Variants in CTNND2 observed in about 807,000 individuals in gnomAD.
CTNND2 encodes catenin delta-2.
A neutral mutation model predicts 144.4 loss-of-function variants in CTNND2; 22 were observed. The observed-to-expected ratio is 0.15, with a 90% CI of 0.11 to 0.22. The LOEUF (loss-of-function observed/expected upper bound fraction) is 0.22. Among genes scored for constraint, CTNND2 ranks in the 10% least tolerant of loss-of-function variants. The probability of loss-of-function intolerance (pLI) is 1.00; values close to 1 mark genes in which losing one functional copy is unlikely to be tolerated. For missense variants in CTNND2, 1,353 were observed against 1,618.8 expected (o/e 0.84, Z 2.82); for synonymous variants, 751 against 695.6 (o/e 1.08, Z -1.25).
intron 1 of CTNND2, among the ~76,000 whole-genome samples, chr5:11,855,379 G>C (rs1235713693): frequency 6.6e-6 from 1 of 152,110 alleles, no homozygotes; most frequent in Non-Finnish European, 1.5e-5. Context: ...CCAATTGTAG[G>C]ATTAGCATGA....
intron 21 of CTNND2, among the ~76,000 whole-genome samples, chr5:10,978,380 T>C (rs568462368): frequency 6.6e-6 from 1 of 152,270 alleles, no homozygotes; most frequent in South Asian, 2.1e-4. Flanking sequence ...AAGAGAAAAC[T>C]GCAAGTGAAG....
intron 2 of CTNND2, among the ~76,000 whole-genome samples, chr5:11,692,917 A>G (rs183073360): frequency 1.6e-4 from 25 of 152,280 alleles, no homozygotes; most frequent in Non-Finnish European, 3.4e-4. Context: ...AACATTTTTA[A>G]AAGACTTAGA....
chr5:11,512,069 T>C (rs1771697632), intron 3 of CTNND2, among the ~76,000 whole-genome samples: 1 of 152,212 alleles, frequency 6.6e-6, no homozygotes, highest in Non-Finnish European at 1.5e-5. Context: ...GATCCTGGAT[T>C]GATCTCACCT....
chr5:11,273,263 T>G (rs1252173079), intron 9 of CTNND2, among the ~76,000 whole-genome samples: 1 of 152,200 alleles, frequency 6.6e-6, no homozygotes, highest in East Asian at 1.9e-4. Flanking sequence ...TTATAATTAT[T>G]ATTATATGTA....
At chr5:11,883,548 T>C (rs1021918902) in intron 1 of CTNND2, among the ~76,000 whole-genome samples, 2 of 152,220 alleles carry the variant, frequency 1.3e-5, no homozygotes, top group African/African-American at 4.8e-5. Context: ...CCACGGTGTA[T>C]ATGTGCCATA....
intron 1 of CTNND2, among the ~76,000 whole-genome samples, chr5:11,884,551 C>A (rs1485002933): frequency 6.6e-6 from 1 of 151,936 alleles, no homozygotes. Flanking sequence ...TGTTTTGGTA[C>A]CTTTTTGGTG....
chr5:11,609,953 C>T (rs966806814), intron 2 of CTNND2, among the ~76,000 whole-genome samples: 1 of 152,204 alleles, frequency 6.6e-6, no homozygotes, highest in Non-Finnish European at 1.5e-5. Context: ...TACACAATGA[C>T]CTCCTTTAAA....
chr5:11,321,687 GAAAT>G (rs1752049331), intron 9 of CTNND2, among the ~76,000 whole-genome samples: 1 of 152,034 alleles, frequency 6.6e-6, no homozygotes, highest in Non-Finnish European at 1.5e-5. Flanking sequence ...AGAGACTGGA[GAAAT>G]AAATAACCCC....
intron 9 of CTNND2, among the ~76,000 whole-genome samples, chr5:11,285,366 G>A (rs1033308064): frequency 5.9e-5 from 9 of 152,126 alleles, no homozygotes; most frequent in African/African-American, 2.2e-4. Flanking sequence ...AATAAAATCT[G>A]GTTTTGCTGC....
intron 9 of CTNND2, among the ~76,000 whole-genome samples, chr5:11,277,967 T>C (rs151176465): frequency 1.2e-3 from 179 of 152,300 alleles, no homozygotes; most frequent in African/African-American, 4.1e-3. Flanking sequence ...CTGCAAAGCC[T>C]CTTGTCTCCA....
intron 1 of CTNND2, among the ~76,000 whole-genome samples, chr5:11,753,088 T>C (rs920596067): frequency 2.0e-5 from 3 of 151,834 alleles, no homozygotes; most frequent in Non-Finnish European, 2.9e-5. Context: ...GCAGAGACTA[T>C]GGGGTTTTCT....
chr5:11,603,782 T>C (rs1301674431), intron 2 of CTNND2, among the ~76,000 whole-genome samples: 1 of 152,182 alleles, frequency 6.6e-6, no homozygotes, highest in South Asian at 2.1e-4. Flanking sequence ...TAAATACCTA[T>C]TTTGTTCCAG....
intron 11 of CTNND2, among the ~76,000 whole-genome samples, chr5:11,172,193 A>AT (rs1055583544): frequency 5.3e-5 from 8 of 152,026 alleles, no homozygotes; most frequent in South Asian, 2.1e-4. Flanking sequence ...CTACCTAAGA[A>AT]TTTTTTTTAA....
chr5:11,695,497 C>T (rs773437969), intron 2 of CTNND2, among the ~76,000 whole-genome samples: 36 of 152,090 alleles, frequency 2.4e-4, no homozygotes, highest in Non-Finnish European at 4.7e-4. Flanking sequence ...CTCTTTTCCT[C>T]GGTTATAATG....
At chr5:11,335,260 C>A (rs572874178) in intron 9 of CTNND2, among the ~76,000 whole-genome samples, 6 of 152,264 alleles carry the variant, frequency 3.9e-5, no homozygotes, top group Admixed American at 3.3e-4. Flanking sequence ...TTATCAAGGT[C>A]AGTATCTCCA....
chr5:11,039,094 GCAAA>G (rs953844541), intron 16 of CTNND2, among the ~76,000 whole-genome samples: 3 of 152,168 alleles, frequency 2.0e-5, no homozygotes, highest in Non-Finnish European at 2.9e-5. Flanking sequence ...AAGCAAGCAA[GCAAA>G]CAAACAAACA....
At chr5:11,158,680 G>C (rs1345907254) in intron 12 of CTNND2, among the ~76,000 whole-genome samples, 2 of 152,224 alleles carry the variant, frequency 1.3e-5, no homozygotes, top group Admixed American at 6.5e-5. Context: ...CTTCTCAGTA[G>C]AGACTGGTTG....
intron 3 of CTNND2, among the ~76,000 whole-genome samples, chr5:11,556,742 T>C (rs938652664): frequency 1.4e-5 from 1 of 69,048 alleles, no homozygotes; most frequent in African/African-American, 5.9e-5. Context: ...GCAGACTTTG[T>C]TGGAAACCTC....
chr5:11,487,413 A>AT (rs989839659), intron 3 of CTNND2, among the ~76,000 whole-genome samples: 52 of 152,100 alleles, frequency 3.4e-4, no homozygotes, highest in African/African-American at 1.2e-3. Context: ...CCATATGGTC[A>AT]TTTTTTTTAA....
Sources: gnomAD v4.1 joint callset for allele counts (sites outside exome capture counted in the v4.1 genomes callset) on GRCh38, gnomAD v4.1.1 for gene constraint, MANE v1.5 for transcripts, NCBI Gene and HGNC (gene_info 2026-07-23, HGNC 2026-07-21) for gene names.